Variants in SPPL3 observed in about 807,000 individuals in gnomAD.
SPPL3 encodes the protein signal peptide peptidase like 3.
A neutral mutation model predicts 42.4 loss-of-function variants in SPPL3; 5 were observed. The ratio of observed to expected loss-of-function variants is 0.12; its 90% confidence interval spans 0.06 to 0.25. The LOEUF (loss-of-function observed/expected upper bound fraction) is 0.25, where lower values mean the gene tolerates loss of function less well. Ranked by LOEUF, SPPL3 falls within the 10% of genes least tolerant of loss-of-function variation. The pLI, the probability that SPPL3 is intolerant of heterozygous loss-of-function variation, is 1.00. For synonymous variants in SPPL3, 195 were observed against 181.8 expected (o/e 1.07, Z -0.58); for missense variants, 235 against 489.0 (o/e 0.48, Z 4.90).
rs1284120678 is a variant in SPPL3, at chr12:120,791,474, T to C, written c.185A>G (p.Asn62Ser). Residue 62 changes from asparagine (N) to serine (S), a missense_variant, in exon 3 of 11, where the codon AAT (asparagine) becomes AGT (serine). Coordinates refer to ENST00000353487, the MANE Select transcript of SPPL3 (RefSeq NM_139015.5). ...SSGSFNGNSTNNSIQTIDSTQ... is the reference protein window; with the variant it reads ...SSGSFNGNSTSNSIQTIDSTQ... Reference sequence around the variant, plus strand: ...ATTGACATAAAATATCTTACTATTATTGGTGCTGTTGCCATTGAAAGACCC... The same window carrying C: ...ATTGACATAAAATATCTTACTATTACTGGTGCTGTTGCCATTGAAAGACCC... 1 of 1,592,200 alleles carries C rather than the reference T, an allele frequency of 6.3e-7. No individual in the cohort carries two copies. Among genetic ancestry groups the C allele is most frequent in the South Asian group, 1.2e-5 (1 of 86,676 alleles).
chr12:120,876,838 CACACAA>C (rs1044238598), intron 1 of SPPL3, among the ~76,000 whole-genome samples: 8 of 134,980 alleles, frequency 5.9e-5, no homozygotes, highest in African/African-American at 2.3e-4. Flanking sequence ...CACACACACA[CACACAA>C]ATTAAATGCA....
rs761284069 is a variant in SPPL3 at position 120,791,571 on chromosome 12, T to A, written c.102-14A>T. On this transcript the variant is annotated splice_polypyrimidine_tract_variant and intron_variant, in intron 2 of 10. Transcript: ENST00000353487. Reference sequence around the variant, plus strand: ...ATATTAAGGGACCTGTGGAAAAAAATTTTGTAGTTAAGTTGTAGTTTTGCT... The same window carrying A: ...ATATTAAGGGACCTGTGGAAAAAAAATTTGTAGTTAAGTTGTAGTTTTGCT... 1.3e-6 allele frequency: 2 copies of A among 1,572,106 alleles called. No individual in the cohort carries two copies. The highest frequency in any genetic ancestry group is 1.9e-5 in the Admixed American group (1 of 52,736).
At chr12:120,767,918 A>G (rs939300474) in intron 8 of SPPL3, among the ~76,000 whole-genome samples, 4 of 152,248 alleles carry the variant, frequency 2.6e-5, no homozygotes, top group Non-Finnish European at 4.4e-5. Flanking sequence ...ACTTCAAATA[A>G]GCACCTGGCT....
At chr12:120,797,230 GA>G (rs1171129887) in intron 2 of SPPL3, among the ~76,000 whole-genome samples, 1 of 151,958 alleles carries the variant, frequency 6.6e-6, no homozygotes, top group East Asian at 1.9e-4. Context: ...ATTCTGTGTA[GA>G]TCTCTGGGTT....
chr12:120,874,593 T>C (rs1488148544), intron 1 of SPPL3, among the ~76,000 whole-genome samples: 3 of 151,968 alleles, frequency 2.0e-5, no homozygotes, highest in Non-Finnish European at 4.4e-5. Flanking sequence ...GGCAGCAGTG[T>C]GGTAGACTAT....
chr12:120,868,329 T>C (rs534008505), intron 1 of SPPL3, among the ~76,000 whole-genome samples: 6 of 152,188 alleles, frequency 3.9e-5, no homozygotes, highest in Admixed American at 2.6e-4. Context: ...AATTCAGTAA[T>C]TGAGGACAAC....
intron 1 of SPPL3, among the ~76,000 whole-genome samples, chr12:120,839,201 C>G (rs979749820): frequency 7.9e-5 from 12 of 151,440 alleles, no homozygotes; most frequent in African/African-American, 2.7e-4. Context: ...AGTTCATGTC[C>G]TTTGTAGGGA....
intron 1 of SPPL3, among the ~76,000 whole-genome samples, chr12:120,891,827 ATATAAAG>A (rs1424964176): frequency 6.6e-6 from 1 of 151,798 alleles, no homozygotes; most frequent in African/African-American, 2.4e-5. Context: ...TGTTTGGGAA[ATATAAAG>A]TATAAATAAA....
chr12:120,794,313 C>T (rs1274629513), intron 2 of SPPL3, among the ~76,000 whole-genome samples: 1 of 151,852 alleles, frequency 6.6e-6, no homozygotes, highest in Non-Finnish European at 1.5e-5. Context: ...AGGGATTAAC[C>T]TTTTTTGGCT....
At chr12:120,819,087 T>A (rs746494930) in intron 1 of SPPL3, among the ~76,000 whole-genome samples, 1 of 152,168 alleles carries the variant, frequency 6.6e-6, no homozygotes, top group African/African-American at 2.4e-5. Flanking sequence ...AGATGGATAG[T>A]TGGAAAAGAA....
At chr12:120,865,888 A>G (rs890944907) in intron 1 of SPPL3, among the ~76,000 whole-genome samples, 1 of 152,180 alleles carries the variant, frequency 6.6e-6, no homozygotes, top group Admixed American at 6.5e-5. Flanking sequence ...CATCGCTCAC[A>G]TTAACGCCTG....
intron 6 of SPPL3, among the ~76,000 whole-genome samples, chr12:120,772,676 G>C (rs80249811): frequency 6.6e-6 from 1 of 152,162 alleles, no homozygotes; most frequent in African/African-American, 2.4e-5. Flanking sequence ...ACAGCAGCTT[G>C]GCAGACCCTG....
At chr12:120,897,087 A>G (rs1873830770) in intron 1 of SPPL3, among the ~76,000 whole-genome samples, 1 of 152,220 alleles carries the variant, frequency 6.6e-6, no homozygotes, top group Non-Finnish European at 1.5e-5. Context: ...GATGAGAACT[A>G]ATTTATTAAT....
chr12:120,823,901 C>T (rs1040652398), intron 1 of SPPL3, among the ~76,000 whole-genome samples: 2 of 149,870 alleles, frequency 1.3e-5, no homozygotes, highest in Non-Finnish European at 3.0e-5. Context: ...GACGGAGTCT[C>T]ACTCTGTCGC....
chr12:120,900,650 T>TAATCCCAGCACTTTGGGAGGCC (rs1566074076), intron 1 of SPPL3, among the ~76,000 whole-genome samples: 1 of 150,308 alleles, frequency 6.7e-6, no homozygotes, highest in Non-Finnish European at 1.5e-5. Context: ...CTCACGCCTG[T>TAATCCCAGCACTTTGGGAGGCC]AATCCCAGCA....
rs1164272443 is a variant in SPPL3 at position 120,779,820 on chromosome 12, C to CAAAAAAAAAA, written c.502+2825_502+2834dup. On this transcript the variant is annotated intron_variant, in intron 6 of 10. Transcript: ENST00000353487. ...CGAAACCTTGTCTCTACTAAAAATA[C>CAAAAAAAAAA]AAAAAAAAAAAAAAAAAAAAAAAAA... 1.0e-3 allele frequency among the ~76,000 whole-genome samples: 43 copies of CAAAAAAAAAA among 42,780 alleles called. 1 individual carries two copies. The highest frequency in any genetic ancestry group is 1.3e-3 in the African/African-American group (15 of 11,452). 28.1% of individuals were successfully genotyped at this position (42,780 alleles called of 152,430 possible).
intron 1 of SPPL3, among the ~76,000 whole-genome samples, chr12:120,898,341 G>A (rs1209536420): frequency 7.1e-6 from 1 of 141,640 alleles, no homozygotes; most frequent in African/African-American, 2.6e-5. Context: ...AAAAAGATGG[G>A]TAGCACAGAG....
intron 1 of SPPL3, among the ~76,000 whole-genome samples, chr12:120,900,198 C>T (rs1873931303): frequency 6.6e-6 from 1 of 152,080 alleles, no homozygotes; most frequent in Non-Finnish European, 1.5e-5. Flanking sequence ...AGCCCATCTG[C>T]ATATGCCTTT....
intron 6 of SPPL3, among the ~76,000 whole-genome samples, chr12:120,781,309 A>G (rs1189629117): frequency 1.3e-5 from 2 of 152,156 alleles, no homozygotes; most frequent in African/African-American, 4.8e-5. Context: ...TTTTTAATGC[A>G]AGAATTCTGT....
Sources: gnomAD v4.1 joint callset for allele counts (sites outside exome capture counted in the v4.1 genomes callset) on GRCh38, gnomAD v4.1.1 for gene constraint, MANE v1.5 for transcripts, NCBI Gene and HGNC (gene_info 2026-07-23, HGNC 2026-07-21) for gene names.